ZNF438: variants seen among roughly 807,000 people sequenced by gnomAD.
The protein encoded by ZNF438 is zinc finger protein 438.
Under a neutral mutation model 38.0 loss-of-function variants are expected in ZNF438, and 25 were observed. The ratio of observed to expected loss-of-function variants is 0.66; its 90% CI spans 0.48 to 0.92. ZNF438 has a LOEUF of 0.92. Ranked by LOEUF, ZNF438 falls within the 40% of genes least tolerant of loss-of-function variation. ZNF438 has a pLI of 0.00. For synonymous variants in ZNF438, 372 were observed against 364.1 expected (o/e 1.02, Z -0.25); for missense variants, 1,007 against 999.6 (o/e 1.01, Z -0.10).
intron 1 of ZNF438, among the ~76,000 whole-genome samples, chr10:31,006,160 G>A (rs1196153001): frequency 6.6e-6 from 1 of 152,192 alleles, no homozygotes; most frequent in Non-Finnish European, 1.5e-5. Context: ...GATGTCTTTT[G>A]TATGCTAATG....
intron 1 of ZNF438, among the ~76,000 whole-genome samples, chr10:30,983,945 T>C (rs1041909814): frequency 6.6e-6 from 1 of 152,126 alleles, no homozygotes; most frequent in Non-Finnish European, 1.5e-5. Context: ...AACTAAGAAA[T>C]TAACATTGAT....
At chr10:30,847,678 C>G (rs890306228) in intron 5 of ZNF438, among the ~76,000 whole-genome samples, 2 of 152,200 alleles carry the variant, frequency 1.3e-5, no homozygotes, top group Non-Finnish European at 2.9e-5. Flanking sequence ...GGCAGTGACT[C>G]CCTAGTCTCC....
At chr10:30,892,484 G>A (rs1302039698) in intron 3 of ZNF438, among the ~76,000 whole-genome samples, 1 of 151,642 alleles carries the variant, frequency 6.6e-6, no homozygotes, top group Non-Finnish European at 1.5e-5. Context: ...GAAGACCATT[G>A]CATTTATATA....
intron 1 of ZNF438, among the ~76,000 whole-genome samples, chr10:30,982,060 ATTTAAACTTGGC>A (rs2052228388): frequency 6.6e-6 from 1 of 150,882 alleles, no homozygotes; most frequent in South Asian, 2.1e-4. Flanking sequence ...GATCAATGTA[ATTTAAACTTGGC>A]CTGAGAAAAC....
chr10:30,901,503 G>A (rs2041978675), intron 3 of ZNF438, among the ~76,000 whole-genome samples: 1 of 152,084 alleles, frequency 6.6e-6, no homozygotes, highest in East Asian at 1.9e-4. Context: ...CTTTAGTCCG[G>A]GGGCCATGCT....
chr10:30,954,163 C>T (rs2135885020), intron 1 of ZNF438, among the ~76,000 whole-genome samples: 1 of 152,090 alleles, frequency 6.6e-6, no homozygotes, highest in South Asian at 2.1e-4. Context: ...AAATATACCC[C>T]CATAAAGTGG....
intron 1 of ZNF438, among the ~76,000 whole-genome samples, chr10:30,990,133 T>A (rs989749415): frequency 6.6e-6 from 1 of 152,106 alleles, no homozygotes; most frequent in Non-Finnish European, 1.5e-5. Context: ...AAAAAACTGG[T>A]CACCTTTAAG....
At chr10:30,971,794 C>G (rs1002133977) in intron 1 of ZNF438, among the ~76,000 whole-genome samples, 1 of 152,068 alleles carries the variant, frequency 6.6e-6, no homozygotes, top group Non-Finnish European at 1.5e-5. Flanking sequence ...TGCCACCCCC[C>G]AACAATTTTA....
chr10:31,012,669 T>C (rs969990582), intron 1 of ZNF438, among the ~76,000 whole-genome samples: 5 of 152,102 alleles, frequency 3.3e-5, no homozygotes, highest in Non-Finnish European at 5.9e-5. Context: ...TGTTCTTAAA[T>C]CTGTTAAGCT....
intron 2 of ZNF438, among the ~76,000 whole-genome samples, chr10:30,911,371 A>G (rs946322238): frequency 2.0e-4 from 30 of 152,296 alleles, no homozygotes; most frequent in African/African-American, 6.7e-4. Context: ...GTAAAATGTA[A>G]GATAACATGT....
At chr10:30,989,337 A>G (rs1431134386) in intron 1 of ZNF438, among the ~76,000 whole-genome samples, 1 of 152,216 alleles carries the variant, frequency 6.6e-6, no homozygotes, top group Non-Finnish European at 1.5e-5. Flanking sequence ...CTGCTCCCTG[A>G]TAAGAGTAGA....
intron 3 of ZNF438, among the ~76,000 whole-genome samples, chr10:30,888,344 A>AACACACACACACACACACACACACAC (rs140506626): frequency 1.4e-3 from 209 of 147,398 alleles, no homozygotes; most frequent in South Asian, 8.2e-3. Flanking sequence ...TAATATTATA[A>AACACACACACACACACACACACACAC]ACACACACAC....
At chr10:30,977,722 C>T (rs577007007) in intron 1 of ZNF438, among the ~76,000 whole-genome samples, 9 of 152,236 alleles carry the variant, frequency 5.9e-5, no homozygotes, top group African/African-American at 2.2e-4. Flanking sequence ...CGGTGGCTCA[C>T]GTCTGTAATA....
chr10:30,854,245 G>C (rs564329216), intron 4 of ZNF438, among the ~76,000 whole-genome samples: 1 of 152,114 alleles, frequency 6.6e-6, no homozygotes, highest in African/African-American at 2.4e-5. Context: ...GCGTGAACCC[G>C]GGAGTTTGCA....
intron 4 of ZNF438, chr10:30,857,835 G>C: frequency 1.7e-6 from 2 of 1,155,226 alleles, no homozygotes; most frequent in Non-Finnish European, 2.3e-6. Flanking sequence ...GGGCTCAATA[G>C]CACTAGGTGC....
intron 1 of ZNF438, among the ~76,000 whole-genome samples, chr10:30,989,282 G>A (rs139189374): frequency 4.6e-5 from 7 of 152,046 alleles, no homozygotes; most frequent in African/African-American, 1.2e-4. Flanking sequence ...AATATACTAC[G>A]TAAGGGAGAT....
chr10:30,938,876 C>A (rs1384656191), intron 2 of ZNF438, among the ~76,000 whole-genome samples: 1 of 152,090 alleles, frequency 6.6e-6, no homozygotes, highest in Admixed American at 6.6e-5. Flanking sequence ...CTCAGTGCAA[C>A]CTCTGCCTCC....
intron 2 of ZNF438, among the ~76,000 whole-genome samples, chr10:30,916,234 A>T (rs1257788947): frequency 6.6e-6 from 1 of 152,086 alleles, no homozygotes; most frequent in Non-Finnish European, 1.5e-5. Context: ...TGAATGACTG[A>T]ATTAGTGACA....
chr10:30,953,947 G>T (rs765670163), intron 1 of ZNF438, among the ~76,000 whole-genome samples: 8 of 152,132 alleles, frequency 5.3e-5, no homozygotes, highest in Non-Finnish European at 1.0e-4. Context: ...TTCAAGACCA[G>T]CCTGGCCAAC....
Sources: gnomAD v4.1 joint callset for allele counts (sites outside exome capture counted in the v4.1 genomes callset) on GRCh38, gnomAD v4.1.1 for gene constraint, MANE v1.5 for transcripts, NCBI Gene and HGNC (gene_info 2026-07-23, HGNC 2026-07-21) for gene names.